TMCC1: variants seen among roughly 807,000 people sequenced by gnomAD.
The protein encoded by TMCC1 is transmembrane and coiled-coil domains protein 1.
A neutral mutation model predicts 52.4 loss-of-function variants in TMCC1; 15 were observed. The ratio of observed to expected loss-of-function variants is 0.29; its 90% CI spans 0.19 to 0.44. TMCC1 has a LOEUF of 0.44. TMCC1 is among the 20% of genes least tolerant of loss of function. The probability of loss-of-function intolerance (pLI) is 1.00; values close to 1 mark genes in which losing one functional copy is unlikely to be tolerated. For missense variants in TMCC1, 503 were observed against 806.0 expected (o/e 0.62, Z 4.55); for synonymous variants, 279 against 301.9 (o/e 0.92, Z 0.79).
intron 4 of TMCC1, among the ~76,000 whole-genome samples, chr3:129,761,568 T>C (rs1015232185): frequency 3.3e-5 from 5 of 152,150 alleles, no homozygotes; most frequent in African/African-American, 9.7e-5. Flanking sequence ...TAATTTCTTG[T>C]CTTTTTGGGT....
At chr3:129,654,562 C>T (rs755273918) in intron 6 of TMCC1, among the ~76,000 whole-genome samples, 56 of 152,160 alleles carry the variant, frequency 3.7e-4, no homozygotes, top group Non-Finnish European at 1.2e-4. Context: ...ACGGGTTATT[C>T]TTGCAAACTG....
At chr3:129,758,400 T>C (rs948531299) in intron 4 of TMCC1, among the ~76,000 whole-genome samples, 1 of 152,210 alleles carries the variant, frequency 6.6e-6, no homozygotes, top group Non-Finnish European at 1.5e-5. Flanking sequence ...TGAGTTGGTA[T>C]ACCTACATAC....
intron 4 of TMCC1, among the ~76,000 whole-genome samples, chr3:129,774,629 C>T (rs1471370292): frequency 6.6e-6 from 1 of 152,116 alleles, no homozygotes; most frequent in Non-Finnish European, 1.5e-5. Context: ...GATCAGAAAC[C>T]TCTTTGGAGA....
chr3:129,805,665 G>A (rs2057420804), intron 4 of TMCC1, among the ~76,000 whole-genome samples: 1 of 152,120 alleles, frequency 6.6e-6, no homozygotes, highest in South Asian at 2.1e-4. Context: ...GGACTGGGTG[G>A]CCCACTCCTG....
At chr3:129,806,817 C>T (rs2057492379) in intron 4 of TMCC1, among the ~76,000 whole-genome samples, 1 of 151,448 alleles carries the variant, frequency 6.6e-6, no homozygotes, top group African/African-American at 2.4e-5. Flanking sequence ...AACATAATAC[C>T]AGAAATAAAA....
chr3:129,889,439 A>C (rs949993929), intron 1 of TMCC1, among the ~76,000 whole-genome samples: 1 of 152,220 alleles, frequency 6.6e-6, no homozygotes, highest in Non-Finnish European at 1.5e-5. Context: ...AAGAACATTA[A>C]GGAAAAAACC....
At chr3:129,763,156 C>T (rs1314464150) in intron 4 of TMCC1, among the ~76,000 whole-genome samples, 7 of 149,914 alleles carry the variant, frequency 4.7e-5, no homozygotes, top group African/African-American at 1.5e-4. Flanking sequence ...CGAGATCGCG[C>T]CACTGCACTC....
At chr3:129,832,246 G>A (rs1227089134) in intron 3 of TMCC1, among the ~76,000 whole-genome samples, 1 of 152,166 alleles carries the variant, frequency 6.6e-6, no homozygotes, top group African/African-American at 2.4e-5. Flanking sequence ...GGAAATGCTG[G>A]CTACTCTTTT....
At chr3:129,829,053 C>T (rs1295036837) in intron 3 of TMCC1, among the ~76,000 whole-genome samples, 2 of 152,160 alleles carry the variant, frequency 1.3e-5, no homozygotes, top group Non-Finnish European at 2.9e-5. Flanking sequence ...TCATCAAGTT[C>T]ACTGGTAACT....
At chr3:129,758,422 A>C (rs768289046) in intron 4 of TMCC1, among the ~76,000 whole-genome samples, 1 of 152,222 alleles carries the variant, frequency 6.6e-6, no homozygotes, top group Non-Finnish European at 1.5e-5. Context: ...TACATTTTCT[A>C]GTTCTGTAAG....
At chr3:129,842,932 T>C (rs1285356751) in intron 2 of TMCC1, among the ~76,000 whole-genome samples, 2 of 152,172 alleles carry the variant, frequency 1.3e-5, no homozygotes, top group African/African-American at 2.4e-5. Flanking sequence ...ATTTATGAAA[T>C]GCAGCTAAAA....
intron 4 of TMCC1, among the ~76,000 whole-genome samples, chr3:129,672,573 C>G (rs1051642446): frequency 6.6e-6 from 1 of 152,072 alleles, no homozygotes; most frequent in African/African-American, 2.4e-5. Context: ...GCACTCCAGT[C>G]TGAGTGACAG....
chr3:129,767,259 T>TAAAA (rs574438436), intron 4 of TMCC1, among the ~76,000 whole-genome samples: 1 of 132,620 alleles, frequency 7.5e-6, no homozygotes, highest in Non-Finnish European at 1.6e-5. Context: ...ACGCTGTCTT[T>TAAAA]AAAAAAAAAA....
At chr3:129,702,692 T>C (rs534458057) in intron 4 of TMCC1, among the ~76,000 whole-genome samples, 96 of 152,238 alleles carry the variant, frequency 6.3e-4, no homozygotes, top group Non-Finnish European at 1.1e-3. Context: ...AAAATAAACA[T>C]TTTCTATATT....
At chr3:129,707,432 T>C (rs530426275) in intron 4 of TMCC1, among the ~76,000 whole-genome samples, 3 of 152,122 alleles carry the variant, frequency 2.0e-5, no homozygotes, top group African/African-American at 7.2e-5. Context: ...GGAGACAAAT[T>C]TATCACATAC....
intron 4 of TMCC1, among the ~76,000 whole-genome samples, chr3:129,807,847 G>A (rs540794317): frequency 1.3e-5 from 2 of 152,032 alleles, no homozygotes; most frequent in Non-Finnish European, 2.9e-5. Context: ...CTCATAGAGT[G>A]TACATTTCAA....
At chr3:129,849,413 T>C (rs2059807677) in intron 2 of TMCC1, among the ~76,000 whole-genome samples, 1 of 151,382 alleles carries the variant, frequency 6.6e-6, no homozygotes, top group African/African-American at 2.4e-5. Context: ...TGAGCTGAGA[T>C]TGCATGCCAC....
intron 2 of TMCC1, among the ~76,000 whole-genome samples, chr3:129,867,469 C>T (rs1204500778): frequency 6.6e-6 from 1 of 152,190 alleles, no homozygotes; most frequent in African/African-American, 2.4e-5. Flanking sequence ...TTTCCTCTTT[C>T]CACACTGGCT....
intron 4 of TMCC1, among the ~76,000 whole-genome samples, chr3:129,709,943 T>G (rs1021886692): frequency 6.6e-6 from 1 of 151,900 alleles, no homozygotes; most frequent in Non-Finnish European, 1.5e-5. Flanking sequence ...TCCCAGCACT[T>G]TGGGGGGCTG....
Sources: gnomAD v4.1 joint callset for allele counts (sites outside exome capture counted in the v4.1 genomes callset) on GRCh38, gnomAD v4.1.1 for gene constraint, MANE v1.5 for transcripts, NCBI Gene and HGNC (gene_info 2026-07-23, HGNC 2026-07-21) for gene names.